SGCZ: variants seen among roughly 807,000 people sequenced by gnomAD.
SGCZ encodes sarcoglycan zeta, also known as zeta-sarcoglycan.
Under a neutral mutation model 41.3 loss-of-function variants are expected in SGCZ, and 40 were observed. The ratio of observed to expected loss-of-function variants is 0.97; its 90% CI spans 0.75 to 1.26. SGCZ has a LOEUF of 1.26. Ranked by LOEUF, SGCZ falls within the 50% of genes most tolerant of loss-of-function variation. The probability of loss-of-function intolerance (pLI) is 0.00; values close to 1 mark genes in which losing one functional copy is unlikely to be tolerated. For synonymous variants in SGCZ, 206 were observed against 137.5 expected (o/e 1.50, Z -3.49); for missense variants, 552 against 369.8 (o/e 1.49, Z -4.04).
At chr8:14,940,447 A>T (rs1308513874) in intron 1 of SGCZ, among the ~76,000 whole-genome samples, 1 of 152,156 alleles carries the variant, frequency 6.6e-6, no homozygotes, top group Non-Finnish European at 1.5e-5. Context: ...ATCAACATGC[A>T]GCAAAAAATA....
chr8:14,261,423 G>C (rs927835298), intron 3 of SGCZ, among the ~76,000 whole-genome samples: 1 of 152,118 alleles, frequency 6.6e-6, no homozygotes, highest in Non-Finnish European at 1.5e-5. Flanking sequence ...AATTACCGTA[G>C]TGTAAATATT....
At chr8:15,237,108 C>A (rs907626537) in intron 1 of SGCZ, among the ~76,000 whole-genome samples, 2 of 152,220 alleles carry the variant, frequency 1.3e-5, no homozygotes, top group African/African-American at 4.8e-5. Flanking sequence ...CTCTGTCACG[C>A]GAATCTCCGA....
At chr8:14,623,231 A>G (rs775437586) in intron 1 of SGCZ, among the ~76,000 whole-genome samples, 8 of 152,250 alleles carry the variant, frequency 5.3e-5, no homozygotes, top group Non-Finnish European at 1.2e-4. Flanking sequence ...AAAAGTTAGA[A>G]ATTCAAATCA....
chr8:14,895,523 A>C (rs10088373), intron 1 of SGCZ, among the ~76,000 whole-genome samples: 1 of 151,920 alleles, frequency 6.6e-6, no homozygotes, highest in Admixed American at 6.6e-5. Flanking sequence ...AACATTCCCC[A>C]CTCCCCCCAA....
chr8:14,861,328 G>A (rs1333288513), intron 1 of SGCZ, among the ~76,000 whole-genome samples: 1 of 152,126 alleles, frequency 6.6e-6, no homozygotes, highest in Non-Finnish European at 1.5e-5. Context: ...TGAAATTGAA[G>A]GTAGCAGAGA....
At chr8:15,235,719 A>G (rs1802098521) in intron 1 of SGCZ, among the ~76,000 whole-genome samples, 1 of 151,954 alleles carries the variant, frequency 6.6e-6, no homozygotes, top group Non-Finnish European at 1.5e-5. Flanking sequence ...CTAGGAAACT[A>G]AAGGGATTTC....
In SGCZ at chr8:14,946,005, C is replaced by CAT. The variant is rs34647526; in HGVS notation, c.39+291578_39+291579dup. Among the ~76,000 whole-genome samples the CAT allele has an allele frequency of 8.1e-3, 121 of 14,880 alleles. 10 individuals carry two copies. Among genetic ancestry groups the CAT allele is most frequent in the Middle Eastern group, 0.12 (1 of 8 alleles). 9.8% of individuals were successfully genotyped at this position (14,880 alleles called of 152,430 possible). On this transcript the variant is annotated intron_variant, in intron 1 of 7. Transcript: ENST00000382080. ...AGCCAATTCCCCTACTAAATGTCCC[C>CAT]ATATATATATATATATATATATATA...
At chr8:15,153,801 G>T (rs1441513893) in intron 1 of SGCZ, among the ~76,000 whole-genome samples, 1 of 152,076 alleles carries the variant, frequency 6.6e-6, no homozygotes, top group Non-Finnish European at 1.5e-5. Flanking sequence ...GCAGGCCCAT[G>T]AGTCAATTAA....
At chr8:15,095,010 T>C (rs1303324861) in intron 1 of SGCZ, among the ~76,000 whole-genome samples, 1 of 152,194 alleles carries the variant, frequency 6.6e-6, no homozygotes, top group South Asian at 2.1e-4. Context: ...TTACCTTCAT[T>C]TCACCCAAAA....
At chr8:14,670,072 C>G (rs1199128742) in intron 1 of SGCZ, among the ~76,000 whole-genome samples, 1 of 152,146 alleles carries the variant, frequency 6.6e-6, no homozygotes, top group Non-Finnish European at 1.5e-5. Flanking sequence ...TCAAATCTAT[C>G]CTTAAATTCA....
At chr8:14,883,118 A>C (rs1804656756) in intron 1 of SGCZ, among the ~76,000 whole-genome samples, 1 of 151,982 alleles carries the variant, frequency 6.6e-6, no homozygotes, top group Admixed American at 6.6e-5. Flanking sequence ...CCTGTTTTAG[A>C]GGTAAACTCT....
intron 1 of SGCZ, among the ~76,000 whole-genome samples, chr8:14,949,391 C>T (rs1308911847): frequency 3.9e-5 from 6 of 151,958 alleles, no homozygotes; most frequent in Admixed American, 3.3e-4. Flanking sequence ...AAATATGTAC[C>T]TATTCCTTTA....
At chr8:14,263,163 T>A (rs901350942) in intron 3 of SGCZ, among the ~76,000 whole-genome samples, 1 of 152,178 alleles carries the variant, frequency 6.6e-6, no homozygotes, top group Non-Finnish European at 1.5e-5. Context: ...AATTCAAAAC[T>A]ATTTTTCAAC....
At chr8:15,143,129 T>C (rs1264342393) in intron 1 of SGCZ, among the ~76,000 whole-genome samples, 1 of 152,218 alleles carries the variant, frequency 6.6e-6, no homozygotes, top group African/African-American at 2.4e-5. Flanking sequence ...AATGTCAGAA[T>C]AATTTTGTGA....
chr8:14,350,188 A>C (rs539305723), intron 2 of SGCZ, among the ~76,000 whole-genome samples: 3 of 152,188 alleles, frequency 2.0e-5, no homozygotes, highest in Middle Eastern at 3.4e-3. Flanking sequence ...AGATCTGGAG[A>C]CATTAATCTG....
At position 15,202,438 on chromosome 8, in the gene SGCZ, G is replaced by C. The variant is rs149470763; in HGVS notation, c.39+35147C>G. Among the ~76,000 whole-genome samples, 400 of 152,282 alleles carry C rather than the reference G, an allele frequency of 2.6e-3. 4 individuals carry two copies. Among genetic ancestry groups the C allele is most frequent in the African/African-American group, 9.3e-3 (386 of 41,560 alleles). ...ATTGTGTCTTCTCACACATAAGTGAGAGCTAAGCTATGAGGACACAAAGGC... is the reference window on the plus strand; with the variant it reads ...ATTGTGTCTTCTCACACATAAGTGACAGCTAAGCTATGAGGACACAAAGGC... On this transcript the variant is annotated intron_variant, in intron 1 of 7. Coordinates refer to ENST00000382080, the MANE Select transcript of SGCZ (RefSeq NM_139167.4).
At chr8:14,548,486 G>C (rs1394691384) in intron 2 of SGCZ, among the ~76,000 whole-genome samples, 5 of 152,096 alleles carry the variant, frequency 3.3e-5, no homozygotes, top group Non-Finnish European at 4.4e-5. Context: ...GGGTTTTTGA[G>C]AAAAATGAAT....
intron 1 of SGCZ, among the ~76,000 whole-genome samples, chr8:14,573,094 A>T (rs1804603648): frequency 6.6e-6 from 1 of 150,986 alleles, no homozygotes; most frequent in Admixed American, 6.6e-5. Context: ...TAGTTATTAT[A>T]TGTGGCAAGT....
At chr8:14,941,216 C>A (rs765479277) in intron 1 of SGCZ, among the ~76,000 whole-genome samples, 1 of 151,980 alleles carries the variant, frequency 6.6e-6, no homozygotes, top group Non-Finnish European at 1.5e-5. Flanking sequence ...TTTTGAAAAA[C>A]GCCAAGTTTT....
Sources: allele counts gnomAD v4.1 joint callset (sites outside exome capture counted in the v4.1 genomes callset), GRCh38; gene constraint gnomAD v4.1.1; transcripts MANE v1.5; gene names NCBI Gene and HGNC (gene_info 2026-07-23, HGNC 2026-07-21).